NT5DC3: variants seen among roughly 807,000 people sequenced by gnomAD.
NT5DC3 encodes the protein 5'-nucleotidase domain containing 3.
Under a neutral mutation model 67.8 loss-of-function variants are expected in NT5DC3, and 42 were observed. The observed-to-expected ratio is 0.62, with a 90% CI of 0.48 to 0.80. The LOEUF (loss-of-function observed/expected upper bound fraction) is 0.80. Ranked by LOEUF, NT5DC3 falls within the 30% of genes least tolerant of loss-of-function variation. NT5DC3 has a pLI of 0.00. For synonymous variants in NT5DC3, 237 were observed against 255.6 expected, an observed-to-expected ratio of 0.93 and a Z score of 0.69; for missense variants, 570 against 696.4, an observed-to-expected ratio of 0.82 and a Z score of 2.04.
chr12:103,755,538 C>T, the NT5DC3 span: 1 of 1,609,094 alleles, frequency 6.2e-7, no homozygotes, highest in Non-Finnish European at 8.5e-7. Context: ...TGGCCAGTCA[C>T]TCCCCAAGCA....
intron 12 of NT5DC3, 85 bp downstream of exon 12, chr12:103,785,250 T>C: frequency 7.6e-7 from 1 of 1,321,574 alleles, no homozygotes; most frequent in Non-Finnish European, 1.1e-6. Context: ...TCATATTTTA[T>C]AACAATTAAG....
At position 103,814,873 on chromosome 12, in the gene NT5DC3, C is replaced by T. The variant is rs1003452393; in HGVS notation, c.393+64G>A. 16 of 1,230,564 alleles carry T rather than the reference C, an allele frequency of 1.3e-5. No individual in the cohort carries two copies. In the Admixed American group the frequency reaches 4.3e-4, roughly 33 times the overall value. 76.2% of individuals were successfully genotyped at this position (1,230,564 alleles called of 1,614,324 possible). On this transcript the variant is annotated intron_variant, in intron 2 of 13. Coordinates refer to ENST00000392876, the MANE Select transcript of NT5DC3 (RefSeq NM_001031701.3). Reference sequence around the variant, plus strand: ...CTCTGTGGCAGACTTGGGGTCATGTCAGCTCAAGGCTGTTCTAAGAGGAAA... The same window carrying T: ...CTCTGTGGCAGACTTGGGGTCATGTTAGCTCAAGGCTGTTCTAAGAGGAAA...
Position 103,777,648 on chromosome 12 carries a change from G to T in NT5DC3, c.*181C>A. 1.5e-6 allele frequency: 1 copy of T among 677,114 alleles called. No homozygotes were observed. Among genetic ancestry groups the T allele is most frequent in the South Asian group, 2.1e-5 (1 of 46,996 alleles). 41.9% of individuals were successfully genotyped at this position (677,114 alleles called of 1,614,324 possible). ...CAGCCCTGCATGGGGGGAAAGGCTG[G>T]AGGGGTGGGCTGCTAGCTCCTGTCT... On this transcript the variant is annotated 3_prime_UTR_variant, in exon 14 of 14. Coordinates refer to ENST00000392876, the MANE Select transcript of NT5DC3 (RefSeq NM_001031701.3).
At chr12:103,792,511 C>T (rs1341052161) in intron 9 of NT5DC3, among the ~76,000 whole-genome samples, 4 of 152,192 alleles carry the variant, frequency 2.6e-5, no homozygotes, top group Non-Finnish European at 5.9e-5. Context: ...TGATTCTCAA[C>T]ACTGTGGGAA....
chr12:103,811,534 G>A (rs577827703), intron 2 of NT5DC3, among the ~76,000 whole-genome samples: 13 of 152,268 alleles, frequency 8.5e-5, no homozygotes, highest in East Asian at 7.7e-4. Flanking sequence ...GGCATGCTTC[G>A]AAACTGTCAG....
chr12:103,786,353 G>GTC (rs1307049711), intron 11 of NT5DC3, among the ~76,000 whole-genome samples: 16 of 152,306 alleles, frequency 1.1e-4, no homozygotes, highest in Admixed American at 1.0e-3. Flanking sequence ...TCTGGCTGAA[G>GTC]AACAGCAAGT....
At chr12:103,800,579 G>A (rs1273365879) in intron 4 of NT5DC3, among the ~76,000 whole-genome samples, 1 of 152,248 alleles carries the variant, frequency 6.6e-6, no homozygotes, top group Non-Finnish European at 1.5e-5. Context: ...CAACCAAATG[G>A]CGGCTCAGAA....
At chr12:103,759,113 T>A in the NT5DC3 span, 2 of 1,614,056 alleles carry the variant, frequency 1.2e-6, no homozygotes, top group African/African-American at 2.7e-5. Context: ...GAGCATTCTG[T>A]GTTTCTCCTT....
chr12:103,752,400 T>C, the NT5DC3 span, among the ~76,000 whole-genome samples: 1 of 152,164 alleles, frequency 6.6e-6, no homozygotes, highest in African/African-American at 2.4e-5. Context: ...AAAAACTTAG[T>C]CTTCTTTGGT....
At chr12:103,755,637 C>T in the NT5DC3 span, 2 of 1,613,998 alleles carry the variant, frequency 1.2e-6, no homozygotes, top group South Asian at 2.2e-5. Flanking sequence ...GCAAGGTGGG[C>T]TATGTGGGAG....
At chr12:103,818,087 TG>T (rs1433329601) in intron 1 of NT5DC3, among the ~76,000 whole-genome samples, 2 of 152,212 alleles carry the variant, frequency 1.3e-5, no homozygotes, top group Non-Finnish European at 2.9e-5. Flanking sequence ...ATCCTCTCCA[TG>T]CATGTGCAGA....
rs766607290 is a variant in NT5DC3 at position 103,794,148 on chromosome 12, C to CTTTTT, written c.754-152_754-151insAAAAA. 86 of 489,310 alleles carry CTTTTT rather than the reference C, an allele frequency of 1.8e-4. 1 individual carries two copies. Among genetic ancestry groups the CTTTTT allele is most frequent in the East Asian group, 4.5e-4 (10 of 22,008 alleles). The allele number at this position is 489,310 out of a possible 1,614,324, so 30.3% of individuals were successfully genotyped here. Reference sequence around the variant, plus strand: ...AATCTAAATTCTGGTCCATTTTCTTCTTCTTTTTTTTTTTTTTTTGAGACA... The same window carrying CTTTTT: ...AATCTAAATTCTGGTCCATTTTCTTCTTTTTTTCTTTTTTTTTTTTTTTTGAGACA... On this transcript the variant is annotated intron_variant, in intron 6 of 13. Transcript: ENST00000392876.
chr12:103,773,602 T>C lies in NT5DC3; in HGVS notation c.*4227A>G, dbSNP rs937881491. ...AAGTCGATATTAAGAAGGCAAAATG[T>C]AGGTTCTCTATTAGTTGAACAGAAC... On this transcript the variant is annotated 3_prime_UTR_variant, in exon 14 of 14. Transcript: ENST00000392876. 1 of 152,246 alleles carries C rather than the reference T, an allele frequency of 6.6e-6. No individual in the cohort carries two copies. The highest frequency in any genetic ancestry group is 2.4e-5 in the African/African-American group (1 of 41,468). 9.4% of individuals were successfully genotyped at this position (152,246 alleles called of 1,614,324 possible).
Position 103,776,090 on chromosome 12 carries a change from T to C in NT5DC3, c.*1739A>G, listed in dbSNP as rs541410913. The C allele has an allele frequency of 6.6e-6, 1 of 152,044 alleles. No homozygotes were observed. Among genetic ancestry groups the C allele is most frequent in the Non-Finnish European group, 1.5e-5 (1 of 67,986 alleles). 9.4% of individuals were successfully genotyped at this position (152,044 alleles called of 1,614,324 possible). A position where few individuals can be genotyped will look rare whatever the true frequency, so the allele number is the denominator to read the frequency against. On this transcript the variant is annotated 3_prime_UTR_variant, in exon 14 of 14. Coordinates refer to ENST00000392876, the MANE Select transcript of NT5DC3 (RefSeq NM_001031701.3). ...AGAAGTATTGATATAGCATATGCAA[T>C]TAAAACAGTATTAGCAGCCCCATAA...
chr12:103,762,823 C>T, the NT5DC3 span, among the ~76,000 whole-genome samples: 73 of 152,340 alleles, frequency 4.8e-4, no homozygotes, highest in Middle Eastern at 3.4e-3. Flanking sequence ...CAGCCAGAGG[C>T]TTTATGCTGC....
intron 1 of NT5DC3, among the ~76,000 whole-genome samples, chr12:103,821,073 G>C (rs1051211578): frequency 2.0e-5 from 3 of 152,170 alleles, no homozygotes; most frequent in African/African-American, 7.2e-5. Context: ...CTAGAGCTGG[G>C]CACACTCCCT....
the NT5DC3 span, chr12:103,757,878 A>G: frequency 7.3e-6 from 3 of 409,102 alleles, no homozygotes; most frequent in Middle Eastern, 2.1e-3. Flanking sequence ...GGGCCACTGC[A>G]GGATTTTGAG....
the NT5DC3 span, chr12:103,755,705 C>T: frequency 1.2e-6 from 2 of 1,614,034 alleles, no homozygotes; most frequent in African/African-American, 2.7e-5. Context: ...CCCTCACTCA[C>T]AAACTTCCTG....
intron 2 of NT5DC3, among the ~76,000 whole-genome samples, chr12:103,813,347 G>A (rs887424188): frequency 1.4e-4 from 22 of 152,200 alleles, no homozygotes; most frequent in Admixed American, 1.4e-3. Flanking sequence ...TTGAACAAAC[G>A]AGACCTGCTG....
Sources: allele counts gnomAD v4.1 joint callset (sites outside exome capture counted in the v4.1 genomes callset), GRCh38; gene constraint gnomAD v4.1.1; transcripts MANE v1.5; gene names NCBI Gene and HGNC (gene_info 2026-07-23, HGNC 2026-07-21).